The following PHACTR1 variants were observed in gnomAD, a reference collection of about 807,000 sequenced individuals.
PHACTR1 encodes the protein phosphatase and actin regulator 1.
PHACTR1 carries 16 observed loss-of-function variants against 69.2 expected under a neutral mutation model. The ratio of observed to expected loss-of-function variants is 0.23; its 90% CI spans 0.16 to 0.35. PHACTR1 has a LOEUF of 0.35. PHACTR1 is among the 10% of genes least tolerant of loss of function. The pLI, the probability that PHACTR1 is intolerant of heterozygous loss-of-function variation, is 1.00. For synonymous variants in PHACTR1, 312 were observed against 284.5 expected (o/e 1.10, Z -0.97); for missense variants, 510 against 734.7 (o/e 0.69, Z 3.54).
chr6:12,994,202 T>A (rs940715504), intron 4 of PHACTR1, among the ~76,000 whole-genome samples: 7 of 151,788 alleles, frequency 4.6e-5, no homozygotes, highest in African/African-American at 1.7e-4. Flanking sequence ...TCAAAGAAAA[T>A]CAGCCAGAAT....
intron 4 of PHACTR1, among the ~76,000 whole-genome samples, chr6:12,765,870 C>T (rs1221454035): frequency 1.3e-5 from 2 of 152,140 alleles, no homozygotes; most frequent in East Asian, 3.8e-4. Context: ...AAGTGACTTC[C>T]TAGACATGAA....
chr6:12,820,124 A>C (rs150157728), intron 4 of PHACTR1, among the ~76,000 whole-genome samples: 2,014 of 152,284 alleles, frequency 0.013, 10 homozygotes, highest in Non-Finnish European at 0.02. Context: ...TTACCTCCCT[A>C]ACCTCTTCTG....
At chr6:13,278,867 G>C (rs918524849) in intron 12 of PHACTR1, among the ~76,000 whole-genome samples, 4 of 151,768 alleles carry the variant, frequency 2.6e-5, no homozygotes, top group African/African-American at 7.3e-5. Flanking sequence ...GGAGTCTGAG[G>C]TTGGAGAATT....
At chr6:12,971,143 A>G (rs2127580904) in intron 4 of PHACTR1, among the ~76,000 whole-genome samples, 1 of 152,180 alleles carries the variant, frequency 6.6e-6, no homozygotes, top group East Asian at 1.9e-4. Context: ...AATGTAACCC[A>G]CTCATGTCCC....
At chr6:13,044,632 T>G (rs1804730188) in intron 4 of PHACTR1, among the ~76,000 whole-genome samples, 1 of 152,120 alleles carries the variant, frequency 6.6e-6, no homozygotes, top group Non-Finnish European at 1.5e-5. Context: ...CAGAGGAGAA[T>G]GAGGAAGCCC....
intron 4 of PHACTR1, among the ~76,000 whole-genome samples, chr6:12,827,637 T>A (rs1003413324): frequency 6.6e-6 from 1 of 152,136 alleles, no homozygotes; most frequent in Non-Finnish European, 1.5e-5. Context: ...CAAATCCAAT[T>A]TACTAGGATT....
intron 6 of PHACTR1, among the ~76,000 whole-genome samples, chr6:13,164,282 G>A (rs753456156): frequency 1.3e-5 from 2 of 152,168 alleles, no homozygotes; most frequent in African/African-American, 2.4e-5. Flanking sequence ...CCTGATGAAC[G>A]GCAAATGGCA....
chr6:13,214,438 T>C (rs1246704470), intron 8 of PHACTR1, among the ~76,000 whole-genome samples: 1 of 152,236 alleles, frequency 6.6e-6, no homozygotes, highest in East Asian at 1.9e-4. Flanking sequence ...ATCATTGAAG[T>C]ACATCGTCCC....
intron 5 of PHACTR1, among the ~76,000 whole-genome samples, chr6:13,103,109 A>G (rs1447736083): frequency 6.6e-6 from 1 of 152,196 alleles, no homozygotes; most frequent in East Asian, 1.9e-4. Context: ...ACTTATTTCC[A>G]CCTATTAAGG....
chr6:12,989,487 A>G (rs546529681), intron 4 of PHACTR1, among the ~76,000 whole-genome samples: 1 of 152,280 alleles, frequency 6.6e-6, no homozygotes, highest in East Asian at 1.9e-4. Context: ...TTTGTTGCTC[A>G]TTCCAATGCA....
At chr6:12,785,965 C>T (rs1379949537) in intron 4 of PHACTR1, among the ~76,000 whole-genome samples, 4 of 152,136 alleles carry the variant, frequency 2.6e-5, no homozygotes, top group African/African-American at 4.8e-5. Context: ...CAAATTTCAA[C>T]GGTTATATTG....
intron 10 of PHACTR1, among the ~76,000 whole-genome samples, chr6:13,261,212 TGA>T (rs1335199191): frequency 6.6e-6 from 1 of 151,902 alleles, no homozygotes; most frequent in African/African-American, 2.4e-5. Context: ...AGCAGACAGG[TGA>T]GAGGGGTGAG....
intron 4 of PHACTR1, among the ~76,000 whole-genome samples, chr6:12,891,042 A>C (rs1296921509): frequency 6.6e-6 from 1 of 152,190 alleles, no homozygotes; most frequent in East Asian, 1.9e-4. Flanking sequence ...TTGAAATATA[A>C]ACTTGTAAAA....
chr6:12,793,770 G>A (rs1055914090), intron 4 of PHACTR1, among the ~76,000 whole-genome samples: 2 of 152,138 alleles, frequency 1.3e-5, no homozygotes, highest in Non-Finnish European at 2.9e-5. Flanking sequence ...TTTTGAAATA[G>A]ACTCATGTTT....
rs4053019 is a variant in PHACTR1, at chr6:13,179,405, C to CGTGTGTGTGT, written c.497-3083_497-3074dup. ...TATACAGCCCATTACATTAATGTTT[C>CGTGTGTGTGT]GTGTGTGTGTGTGTGTGTGTGTGTG... On this transcript the variant is annotated intron_variant, in intron 6 of 14. Transcript: ENST00000332995. The surrounding 1 kb of genome is among the most constrained non-coding windows in gnomAD (Gnocchi z 4.2). 0.09 allele frequency among the ~76,000 whole-genome samples: 12,826 copies of CGTGTGTGTGT among 141,884 alleles called. 699 individuals carry two copies. Among genetic ancestry groups the CGTGTGTGTGT allele is most frequent in the Middle Eastern group, 0.11 (31 of 276 alleles). 93.1% of individuals were successfully genotyped at this position (141,884 alleles called of 152,430 possible). A position where few individuals can be genotyped will look rare whatever the true frequency, so the allele number is the denominator to read the frequency against.
At chr6:13,003,962 TATGTATATATATATATAC>T (rs1161436255) in intron 4 of PHACTR1, among the ~76,000 whole-genome samples, 2 of 105,880 alleles carry the variant, frequency 1.9e-5, no homozygotes, top group Admixed American at 8.3e-5. Context: ...TATATATATA[TATGTATATATATATATAC>T]ACATATATAT....
At chr6:13,032,121 A>G (rs531749284) in intron 4 of PHACTR1, among the ~76,000 whole-genome samples, 2 of 152,328 alleles carry the variant, frequency 1.3e-5, no homozygotes, top group African/African-American at 4.8e-5. Flanking sequence ...TTACCCATGG[A>G]GATATATTTC....
intron 4 of PHACTR1, among the ~76,000 whole-genome samples, chr6:13,013,597 G>T (rs570282685): frequency 6.6e-6 from 1 of 152,200 alleles, no homozygotes; most frequent in African/African-American, 2.4e-5. Context: ...GCTGCCAGAG[G>T]AGGATGTGCA....
At chr6:12,894,941 CCTT>C (rs1186170876) in intron 4 of PHACTR1, among the ~76,000 whole-genome samples, 1 of 152,028 alleles carries the variant, frequency 6.6e-6, no homozygotes, top group Non-Finnish European at 1.5e-5. Flanking sequence ...TATTTTTAAA[CCTT>C]CTCTTTAAAA....
Sources: allele counts gnomAD v4.1 joint callset (sites outside exome capture counted in the v4.1 genomes callset), GRCh38; gene constraint gnomAD v4.1.1; non-coding constraint Gnocchi (gnomAD v3.1); transcripts MANE v1.5; gene names NCBI Gene and HGNC (gene_info 2026-07-23, HGNC 2026-07-21).